Variants in CLTCL1 observed in about 807,000 individuals in gnomAD.
CLTCL1 encodes the protein clathrin heavy chain like 1.
In CLTCL1, 159 loss-of-function variants were observed where a neutral mutation model predicts 190.0. The observed-to-expected ratio is 0.84, with a 90% CI of 0.74 to 0.95. CLTCL1 has a LOEUF of 0.95. Ranked by LOEUF, CLTCL1 falls within the 40% of genes least tolerant of loss-of-function variation. The pLI is 0.00. For missense variants in CLTCL1, 1,878 were observed against 2,033.4 expected (o/e 0.92, Z 1.47); for synonymous variants, 752 against 769.6 (o/e 0.98, Z 0.38).
At chr22:19,254,611 C>T (rs1164115418) in intron 2 of CLTCL1, among the ~76,000 whole-genome samples, 2 of 152,152 alleles carry the variant, frequency 1.3e-5, no homozygotes, top group Non-Finnish European at 1.5e-5. Flanking sequence ...CTCCAATTTT[C>T]AAGAAAGACT....
At chr22:19,202,779 A>G (rs2084938707) in intron 22 of CLTCL1, among the ~76,000 whole-genome samples, 1 of 152,140 alleles carries the variant, frequency 6.6e-6, no homozygotes, top group South Asian at 2.1e-4. Context: ...ACGATTCCTC[A>G]AGCTGAGTAT....
In CLTCL1 at chr22:19,224,056, T is replaced by A; in HGVS notation, c.2129-2A>T. 6.2e-7 allele frequency: 1 copy of A among 1,613,904 alleles called. No individual in the cohort carries two copies. Among genetic ancestry groups the A allele is most frequent in the Middle Eastern group, 1.7e-4 (1 of 6,048 alleles). ...TTGAGCCCAGGAAGTAGAAGAGGCCTATGAAGAGAGACCATTCCATTTTTG... is the reference window on the plus strand; with the variant it reads ...TTGAGCCCAGGAAGTAGAAGAGGCCAATGAAGAGAGACCATTCCATTTTTG... On this transcript the variant is annotated splice_acceptor_variant, in intron 13 of 32. Coordinates refer to ENST00000427926, the MANE Select transcript of CLTCL1 (RefSeq NM_007098.4). LOFTEE classifies it high-confidence loss of function.
intron 4 of CLTCL1, among the ~76,000 whole-genome samples, chr22:19,241,106 C>G (rs182335008): frequency 6.6e-5 from 10 of 152,314 alleles, no homozygotes; most frequent in African/African-American, 2.4e-4. Context: ...GTCAGGAAAC[C>G]GCATTTCCCA....
Position 19,221,452 on chromosome 22 carries a change from G to A in CLTCL1, c.2721C>T (p.Arg907=), listed in dbSNP as rs1287970233. 6 of 1,578,336 alleles carry A rather than the reference G, an allele frequency of 3.8e-6. No homozygotes were observed. In the Admixed American group the frequency reaches 9.2e-5, roughly 24 times the overall value. Residue 907 remains arginine, a synonymous_variant, in exon 17 of 33, where the codon CGC becomes CGT. Coordinates refer to ENST00000427926, the MANE Select transcript of CLTCL1 (RefSeq NM_007098.4). ...NAYYDSSVVG[R]YCEKRDPHLA... is the part of the protein sequence containing the mutation. ...GATGGGGGTCTCGCTTCTCACAGTA[G>A]CGGCCCACCACGCTGCTGTCATAGT...
chr22:19,257,949 A>G lies in CLTCL1; in HGVS notation c.251-3722T>C, dbSNP rs1414775322. 2.5e-5 allele frequency: 22 copies of G among 891,704 alleles called. No homozygotes were observed. The East Asian group carries it at 1.0e-3, about 41-fold the overall frequency. The allele number at this position is 891,704 out of a possible 1,614,324, so 55.2% of individuals were successfully genotyped here. ...AAGCTGATGGCTCAGATCTTTGCAAATTCTGTGGACAATGCCTTCATCGTT... is the reference window on the plus strand; with the variant it reads ...AAGCTGATGGCTCAGATCTTTGCAAGTTCTGTGGACAATGCCTTCATCGTT... On this transcript the variant is annotated intron_variant, in intron 2 of 32. Transcript: ENST00000427926.
chr22:19,234,158 T>C (rs896827554), intron 7 of CLTCL1, among the ~76,000 whole-genome samples: 1 of 152,188 alleles, frequency 6.6e-6, no homozygotes, highest in African/African-American at 2.4e-5. Context: ...TATCGCTAGA[T>C]AAAACAGGGA....
In CLTCL1 at chr22:19,229,883, G is replaced by A. The variant is rs782516693; in HGVS notation, c.1737C>T (p.Leu579=). The stretch of plus-strand genomic sequence containing the variant: ...TCATCTCCAACAGCCATGTCTGCAG[G>A]AGTCCCTCAGCTGGGCGATTATTCT... ...ALKNNRPAEG[L]LQTWLLEMNL... The change falls in exon 11 of 33, where the codon CTC becomes CTT. Residue 579 remains leucine (L), a synonymous_variant. Transcript: ENST00000427926. The A allele has an allele frequency of 7.4e-6, 12 of 1,611,914 alleles. No homozygotes were observed. In the South Asian group the frequency reaches 1.2e-4, roughly 16 times the overall value.
intron 3 of CLTCL1, among the ~76,000 whole-genome samples, chr22:19,243,695 TTC>T (rs199749434): frequency 0.05 from 5,671 of 114,512 alleles, 144 homozygotes; most frequent in East Asian, 0.09. Context: ...CTTTCTTTCT[TTC>T]TTTTTTTTTT....
intron 1 of CLTCL1, among the ~76,000 whole-genome samples, chr22:19,288,105 T>C (rs1230125019): frequency 6.6e-6 from 1 of 152,190 alleles, no homozygotes; most frequent in Non-Finnish European, 1.5e-5. Context: ...ATATCCACGC[T>C]GTAGACATTG....
intron 2 of CLTCL1, among the ~76,000 whole-genome samples, chr22:19,263,882 T>C (rs1555976753): frequency 6.6e-6 from 1 of 152,214 alleles, no homozygotes; most frequent in African/African-American, 2.4e-5. Flanking sequence ...AGTTTGGAAT[T>C]GAACTCAAAA....
At chr22:19,289,547 T>C (rs1353690323) in intron 1 of CLTCL1, among the ~76,000 whole-genome samples, 1 of 152,074 alleles carries the variant, frequency 6.6e-6, no homozygotes, top group Non-Finnish European at 1.5e-5. Context: ...TTTCATGACA[T>C]CCAGCTATGA....
chr22:19,229,730 C>T (rs2085859242), intron 11 of CLTCL1, 108 bp downstream of exon 11: 1 of 1,104,328 alleles, frequency 9.1e-7, no homozygotes, highest in South Asian at 2.1e-5. Flanking sequence ...ACAAGATAAA[C>T]ATCTGGCACA....
At chr22:19,273,992 C>T (rs1439713927) in intron 2 of CLTCL1, among the ~76,000 whole-genome samples, 1 of 152,028 alleles carries the variant, frequency 6.6e-6, no homozygotes, top group Non-Finnish European at 1.5e-5. Flanking sequence ...CTTTACTCCC[C>T]GACTCCACAC....
At chr22:19,259,605 T>C (rs1214507571) in intron 2 of CLTCL1, among the ~76,000 whole-genome samples, 1 of 152,192 alleles carries the variant, frequency 6.6e-6, no homozygotes, top group Non-Finnish European at 1.5e-5. Flanking sequence ...ACAGTAATTG[T>C]TTTGTGTCAC....
intron 1 of CLTCL1, among the ~76,000 whole-genome samples, chr22:19,281,350 T>C (rs5748099): frequency 0.25 from 37,870 of 150,838 alleles, 5,068 homozygotes; most frequent in East Asian, 0.5. Context: ...GATGGCTGCA[T>C]AACAATTTGA....
intron 22 of CLTCL1, among the ~76,000 whole-genome samples, chr22:19,206,946 C>G (rs1235420865): frequency 1.3e-5 from 2 of 150,718 alleles, no homozygotes; most frequent in Admixed American, 1.3e-4. Flanking sequence ...GGCTTTATTC[C>G]TATTAAAAAA....
intron 2 of CLTCL1, among the ~76,000 whole-genome samples, chr22:19,267,685 G>A (rs184961605): frequency 2.6e-5 from 4 of 152,128 alleles, no homozygotes; most frequent in Non-Finnish European, 5.9e-5. Context: ...CCTGAGGTCA[G>A]GAGTTCAAGA....
At chr22:19,242,995 T>C (rs939503942) in intron 3 of CLTCL1, 59 bp from the exon 4 acceptor site, 46 of 1,457,604 alleles carry the variant, frequency 3.2e-5, no homozygotes, top group Non-Finnish European at 4.1e-5. Flanking sequence ...AAAGAAACAA[T>C]TCTTAAAATA....
intron 30 of CLTCL1, 184 bp from the exon 31 acceptor site, chr22:19,180,990 G>A (rs1022081853): frequency 6.6e-6 from 4 of 605,802 alleles, no homozygotes; most frequent in South Asian, 2.0e-5. Flanking sequence ...AGCAAGGCAT[G>A]GAGAGGTGAA....
Sources: gnomAD v4.1 joint callset for allele counts (sites outside exome capture counted in the v4.1 genomes callset) on GRCh38, gnomAD v4.1.1 for gene constraint, MANE v1.5 for transcripts, NCBI Gene and HGNC (gene_info 2026-07-23, HGNC 2026-07-21) for gene names.